The following KDM4D variants were observed in gnomAD, a reference collection of about 807,000 sequenced individuals.
KDM4D encodes the protein lysine demethylase 4D.
For synonymous variants in KDM4D, 254 were observed against 249.1 expected, an observed-to-expected ratio of 1.02 and a Z score of -0.19; for missense variants, 427 against 674.8, an observed-to-expected ratio of 0.63 and a Z score of 4.07.
At position 94,989,752 on chromosome 11, in the gene KDM4D, C is replaced by CTTTT. The variant is rs587676047; in HGVS notation, c.-349-7257_-349-7254dup. On this transcript the variant is annotated intron_variant, in intron 2 of 2. Coordinates refer to ENST00000335080, the MANE Select transcript of KDM4D (RefSeq NM_018039.3). ...CTTCTTTCTCTCTCTCTCTCTCTTT[C>CTTTT]TTTTTTTTTTTTTTTTTTGACAGAG... 1.9e-3 allele frequency among the ~76,000 whole-genome samples: 230 copies of CTTTT among 122,822 alleles called. 5 individuals carry two copies. Among genetic ancestry groups the CTTTT allele is most frequent in the Non-Finnish European group, 2.2e-3 (132 of 61,204 alleles). 80.6% of individuals were successfully genotyped at this position (122,822 alleles called of 152,430 possible).
intron 2 of KDM4D, among the ~76,000 whole-genome samples, chr11:94,979,692 A>G (rs1394206461): frequency 6.6e-6 from 1 of 152,192 alleles, no homozygotes; most frequent in Non-Finnish European, 1.5e-5. Context: ...TTAGAGTTTC[A>G]TTGTATAAAA....
chr11:94,998,668 T>A lies in KDM4D; in HGVS notation c.1296T>A (p.Thr432=). The A allele has an allele frequency of 6.2e-7, 1 of 1,614,164 alleles. No homozygotes were observed. Among genetic ancestry groups the A allele is most frequent in the Non-Finnish European group, 8.5e-7 (1 of 1,180,022 alleles). The change falls in exon 3 of 3, where the codon ACT becomes ACA. Residue 432 remains threonine (T), a synonymous_variant. Coordinates refer to ENST00000335080, the MANE Select transcript of KDM4D (RefSeq NM_018039.3). The surrounding 1 kb of genome is among the most constrained non-coding windows in gnomAD (Gnocchi z 6.7). ...AVHSSKKPSS[T]PSSTPGPSAQ... ...ACAGCTCTAAGAAGCCCAGCTCAAC[T>A]CCATCATCCACCCCTGGTCCATCTG...
chr11:94,989,702 G>A (rs182826627), intron 2 of KDM4D, among the ~76,000 whole-genome samples: 2 of 151,226 alleles, frequency 1.3e-5, no homozygotes, highest in Non-Finnish European at 1.5e-5. Context: ...AGGCACAAAA[G>A]GTACAGGAAA....
chr11:94,974,847 T>A (rs1857782847), intron 1 of KDM4D, among the ~76,000 whole-genome samples: 1 of 152,228 alleles, frequency 6.6e-6, no homozygotes, highest in Admixed American at 6.5e-5. Flanking sequence ...TGCTTCCTAT[T>A]ATATCTTCCT....
intron 2 of KDM4D, among the ~76,000 whole-genome samples, chr11:94,984,598 C>T (rs1857869035): frequency 1.3e-5 from 2 of 151,196 alleles, no homozygotes; most frequent in Admixed American, 6.6e-5. Context: ...GCTCACACCT[C>T]TCATCCCAGC....
chr11:94,986,704 C>T (rs1227182590), intron 2 of KDM4D, among the ~76,000 whole-genome samples: 1 of 152,074 alleles, frequency 6.6e-6, no homozygotes, highest in Non-Finnish European at 1.5e-5. Flanking sequence ...GAAATTGGAA[C>T]CCTCATATAT....
chr11:94,978,301 G>GA (rs782226216), intron 2 of KDM4D, among the ~76,000 whole-genome samples: 269 of 149,502 alleles, frequency 1.8e-3, no homozygotes, highest in Non-Finnish European at 3.2e-3. Flanking sequence ...ATAGGAATAC[G>GA]AAAAAAAAAA....
intron 2 of KDM4D, among the ~76,000 whole-genome samples, chr11:94,983,331 C>G (rs77657705): frequency 0.012 from 1,803 of 147,698 alleles, 31 homozygotes; most frequent in African/African-American, 0.043. Flanking sequence ...ATAGGCAAAA[C>G]AAATAAAAGT....
rs891599485 is a variant in KDM4D at position 94,997,677 on chromosome 11, G to A, written c.305G>A (p.Arg102His). Reference protein sequence around the residue: ...KKKAMTVGEYRHLANSKKYQT... With the variant: ...KKKAMTVGEYHHLANSKKYQT... Reference sequence around the variant, plus strand: ...AAAGCCATGACTGTGGGGGAGTATCGCCATTTGGCAAACAGTAAAAAATAT... The same window carrying A: ...AAAGCCATGACTGTGGGGGAGTATCACCATTTGGCAAACAGTAAAAAATAT... Residue 102 changes from arginine to histidine, a missense_variant, in exon 3 of 3, where the codon CGC becomes CAC. By Grantham distance (29) the Arg-to-His change is conservative. Coordinates refer to ENST00000335080, the MANE Select transcript of KDM4D (RefSeq NM_018039.3). The A allele has an allele frequency of 5.0e-6, 8 of 1,614,196 alleles. No homozygotes were observed. Among genetic ancestry groups the A allele is most frequent in the Non-Finnish European group, 5.1e-6 (6 of 1,180,014 alleles).
rs73524144 is a variant in KDM4D, at chr11:94,977,623, C to T, written c.-350+1875C>T. ...CTCTGTCCCCTAACATTCTGTACTC[C>T]GTATCTCCCTTCCCCTCTTTCTTCT... On this transcript the variant is annotated intron_variant, in intron 2 of 2. Coordinates refer to ENST00000335080, the MANE Select transcript of KDM4D (RefSeq NM_018039.3). 9.2e-4 allele frequency among the ~76,000 whole-genome samples: 140 copies of T among 152,194 alleles called. 1 individual carries two copies. Among genetic ancestry groups the T allele is most frequent in the African/African-American group, 3.2e-3 (135 of 41,558 alleles).
At chr11:94,996,384 G>A (rs1313301729) in intron 2 of KDM4D, among the ~76,000 whole-genome samples, 2 of 152,134 alleles carry the variant, frequency 1.3e-5, no homozygotes, top group Non-Finnish European at 2.9e-5. Flanking sequence ...TCCCAAGGTA[G>A]CCACTACTCT....
intron 2 of KDM4D, among the ~76,000 whole-genome samples, chr11:94,982,699 G>A (rs1857852370): frequency 1.3e-5 from 2 of 151,818 alleles, no homozygotes; most frequent in African/African-American, 2.4e-5. Context: ...TTTGAAAAGG[G>A]ATGTAAGATC....
intron 2 of KDM4D, among the ~76,000 whole-genome samples, chr11:94,979,861 A>G (rs977776684): frequency 6.6e-6 from 1 of 152,140 alleles, no homozygotes; most frequent in Non-Finnish European, 1.5e-5. Context: ...TTCTTGTTCT[A>G]TAATCTCACC....
rs587738673 is a variant in KDM4D at position 94,979,471 on chromosome 11, A to C, written c.-350+3723A>C. Among the ~76,000 whole-genome samples, 5 of 152,184 alleles carry C rather than the reference A, an allele frequency of 3.3e-5. No homozygotes were observed. The East Asian group carries it at 9.7e-4, about 29-fold the overall frequency. On this transcript the variant is annotated intron_variant, in intron 2 of 2. Coordinates refer to ENST00000335080, the MANE Select transcript of KDM4D (RefSeq NM_018039.3). ...CCTCGAACTCCTGACCTCAAGTGAT[A>C]CACCTGCCTCGGCCTTCCAAAGTGC...
chr11:94,991,206 TA>T (rs1555098645), intron 2 of KDM4D, among the ~76,000 whole-genome samples: 1 of 152,178 alleles, frequency 6.6e-6, no homozygotes, highest in East Asian at 1.9e-4. Flanking sequence ...ACAGCCCAGT[TA>T]GAATATCATT....
intron 2 of KDM4D, among the ~76,000 whole-genome samples, chr11:94,979,899 T>C (rs1213110245): frequency 6.6e-6 from 1 of 152,220 alleles, no homozygotes; most frequent in Admixed American, 6.5e-5. Context: ...TTTTCAATTT[T>C]AGCTCATTTG....
At position 94,991,491 on chromosome 11, in the gene KDM4D, TC is replaced by T. The variant is rs587732403; in HGVS notation, c.-349-5530del. Among the ~76,000 whole-genome samples the T allele has an allele frequency of 4.6e-5, 7 of 151,968 alleles. No homozygotes were observed. In the South Asian group the frequency reaches 1.2e-3, roughly 27 times the overall value. ...TCTAGAGAGGTAAAAGAAGAAATGC[TC>T]CCATGAAGCAAGAATAAGACAATAA... On this transcript the variant is annotated intron_variant, in intron 2 of 2. Coordinates refer to ENST00000335080, the MANE Select transcript of KDM4D (RefSeq NM_018039.3).
chr11:94,995,271 A>T (rs1186600827), intron 2 of KDM4D, among the ~76,000 whole-genome samples: 2 of 152,212 alleles, frequency 1.3e-5, no homozygotes, highest in Non-Finnish European at 2.9e-5. Flanking sequence ...CCTTCATAAA[A>T]TTGGGATAAT....
chr11:94,989,438 T>C (rs148452631), intron 2 of KDM4D, among the ~76,000 whole-genome samples: 4 of 152,318 alleles, frequency 2.6e-5, no homozygotes, highest in African/African-American at 9.6e-5. Context: ...TGCTGCAGTA[T>C]CCATGCAACA....
Sources: gnomAD v4.1 joint callset for allele counts (sites outside exome capture counted in the v4.1 genomes callset) on GRCh38, gnomAD v4.1.1 for gene constraint, Gnocchi (gnomAD v3.1) non-coding constraint, MANE v1.5 for transcripts, NCBI Gene and HGNC (gene_info 2026-07-23, HGNC 2026-07-21) for gene names.